The following ABCB11 variants were observed in gnomAD, a reference collection of about 807,000 sequenced individuals.
ABCB11 encodes the protein ATP binding cassette subfamily B member 11.
In ABCB11, 95 loss-of-function variants were observed where a neutral mutation model predicts 148.0. The ratio of observed to expected loss-of-function variants is 0.64; its 90% CI spans 0.54 to 0.76. The LOEUF (loss-of-function observed/expected upper bound fraction) is 0.76. ABCB11 is among the 30% of genes least tolerant of loss of function. ABCB11 has a pLI of 0.00. For synonymous variants in ABCB11, 591 were observed against 555.4 expected (o/e 1.06, Z -0.90); for missense variants, 1,523 against 1,617.8 (o/e 0.94, Z 1.01).
downstream of ABCB11, among the ~76,000 whole-genome samples, chr2:168,917,543 A>C (rs920987748): frequency 5.9e-5 from 9 of 152,234 alleles, no homozygotes; most frequent in Admixed American, 5.9e-4. Flanking sequence ...TGAATCAAAT[A>C]AAATGTATGA....
chr2:169,014,306 T>C lies in ABCB11; in HGVS notation c.147A>G (p.Gln49=), dbSNP rs759100946. 3 of 1,613,022 alleles carry C rather than the reference T, an allele frequency of 1.9e-6. No individual in the cohort carries two copies. The highest frequency in any genetic ancestry group is 2.7e-5 in the African/African-American group (2 of 74,874). Reference sequence around the variant, plus strand: ...TAAATCAACACAGTTTTATTACCAATTGAAAGAAGCCAACTCTAACGCCAT... The same window carrying C: ...TAAATCAACACAGTTTTATTACCAACTGAAAGAAGCCAACTCTAACGCCAT... The part of the protein sequence containing the change: ...KGDGVRVGFF[Q]LFRFSSSTDI... Residue 49 remains glutamine, a synonymous_variant, in exon 4 of 28, where the codon CAA becomes CAG. Transcript: ENST00000650372.
intron 5 of ABCB11, among the ~76,000 whole-genome samples, chr2:169,006,549 G>T (rs1201886161): frequency 4.1e-5 from 6 of 147,566 alleles, no homozygotes; most frequent in Non-Finnish European, 8.9e-5. Flanking sequence ...AAACAATTAG[G>T]CAATAAGATA....
At chr2:168,976,458 C>T in intron 12 of ABCB11, 119 bp downstream of exon 12, 1 of 564,604 alleles carries the variant, frequency 1.8e-6, no homozygotes, top group Non-Finnish European at 3.1e-6. Context: ...AGAAAGACAC[C>T]TCCATTCCCT....
At chr2:168,990,666 A>C (rs1573948083) in intron 9 of ABCB11, 135 bp downstream of exon 9, 1 of 1,068,012 alleles carries the variant, frequency 9.4e-7, no homozygotes, top group East Asian at 2.4e-5. Flanking sequence ...TACTCTGCTT[A>C]GCTCCCTCTT....
intron 22 of ABCB11, 150 bp downstream of exon 22, chr2:168,936,080 C>A: frequency 1.4e-6 from 1 of 709,140 alleles, no homozygotes. Flanking sequence ...TTGCGCCAAG[C>A]ACGCATAGAA....
At chr2:169,009,124 G>A (rs898948043) in intron 5 of ABCB11, among the ~76,000 whole-genome samples, 1 of 152,140 alleles carries the variant, frequency 6.6e-6, no homozygotes, top group African/African-American at 2.4e-5. Flanking sequence ...AGGAGGATGA[G>A]GTACTAGAAA....
chr2:168,996,141 C>T (rs1055983005), intron 6 of ABCB11, among the ~76,000 whole-genome samples: 2 of 151,892 alleles, frequency 1.3e-5, no homozygotes, highest in Non-Finnish European at 2.9e-5. Context: ...AAATATTTTT[C>T]TTTCTTAATA....
intron 25 of ABCB11, among the ~76,000 whole-genome samples, chr2:168,929,801 T>G (rs557370734): frequency 3.7e-4 from 57 of 152,286 alleles, no homozygotes; most frequent in African/African-American, 1.3e-3. Context: ...ATAACTATAT[T>G]GGGAGGAGGT....
chr2:168,971,775 G>A, intron 14 of ABCB11, 72 bp downstream of exon 14: 1 of 1,371,796 alleles, frequency 7.3e-7, no homozygotes, highest in Non-Finnish European at 1.0e-6. Context: ...GAGAAGAAAT[G>A]TGTATAATTG....
At chr2:169,002,982 TG>T (rs1694918890) in intron 5 of ABCB11, among the ~76,000 whole-genome samples, 1 of 152,158 alleles carries the variant, frequency 6.6e-6, no homozygotes, top group Admixed American at 6.5e-5. Context: ...AATAGGTTTT[TG>T]GGGAACAGGT....
At chr2:168,975,281 G>A (rs193004736) in intron 12 of ABCB11, among the ~76,000 whole-genome samples, 2,727 of 18,910 alleles carry the variant, frequency 0.14, 774 homozygotes, top group African/African-American at 0.47. Context: ...ATAAATATAT[G>A]AATATTTAAA....
At chr2:169,010,096 AC>A (rs1276484427) in intron 5 of ABCB11, among the ~76,000 whole-genome samples, 1 of 152,168 alleles carries the variant, frequency 6.6e-6, no homozygotes, top group East Asian at 1.9e-4. Context: ...GGCAATATTC[AC>A]ACTTGTTTAG....
chr2:168,945,408 C>A (rs1265940750), intron 19 of ABCB11, among the ~76,000 whole-genome samples: 2 of 151,914 alleles, frequency 1.3e-5, no homozygotes, highest in African/African-American at 4.8e-5. Context: ...TGAATGAAAA[C>A]CAATGGTGAT....
chr2:168,969,416 C>T lies in ABCB11; in HGVS notation c.1945G>A (p.Val649Ile). Residue 649 changes from valine to isoleucine, a missense_variant, in exon 16 of 28, where the codon GTT becomes ATT. Transcript: ENST00000650372. ...TGCAAAGTCACTAGAGTGAAGTAAA[C>T]ACCTTTCCTTTCCAGTAATTCTTCA... ...THEELLERKG[V>I]YFTLVTLQSQ... 6.2e-7 allele frequency: 1 copy of T among 1,612,598 alleles called. No homozygotes were observed. The highest frequency in any genetic ancestry group is 1.1e-5 in the South Asian group (1 of 91,002).
chr2:168,944,664 T>C lies in ABCB11; in HGVS notation c.2551A>G (p.Arg851Gly). 2 of 1,612,854 alleles carry C rather than the reference T, an allele frequency of 1.2e-6. No homozygotes were observed. The highest frequency in any genetic ancestry group is 1.7e-6 in the Non-Finnish European group (2 of 1,179,184). ...GQDIAWFDDL[R>G]NSPGALTTRL... ...GTTGTCAATGCTCCAGGGCTATTTCTGAGGTCATCAAACCAGGCAATATCT... is the reference window on the plus strand; with the variant it reads ...GTTGTCAATGCTCCAGGGCTATTTCCGAGGTCATCAAACCAGGCAATATCT... The change falls in exon 21 of 28, where the codon AGA becomes GGA. Residue 851 changes from arginine to glycine, a missense_variant. Coordinates refer to ENST00000650372, the MANE Select transcript of ABCB11 (RefSeq NM_003742.4).
Position 168,964,247 on chromosome 2 carries a change from C to A in ABCB11, c.2137G>T (p.Ala713Ser), listed in dbSNP as rs1294702136. 6.4e-7 allele frequency: 1 copy of A among 1,569,520 alleles called. No homozygotes were observed. The highest frequency in any genetic ancestry group is 1.9e-5 in the Admixed American group (1 of 53,796). ...TAGGTAGACTTATGATCTACAACAG[C>A]TAATGGAGGTTCGTGCACCAGGTAA... is the stretch of plus-strand genomic sequence containing the variant. ...LSYLVHEPPLAVVDHKSTYEE... is the reference protein window; with the variant it reads ...LSYLVHEPPLSVVDHKSTYEE... Residue 713 changes from alanine to serine, a missense_variant, in exon 18 of 28, where the codon GCT (alanine) becomes TCT (serine). Ala to Ser is a moderately conservative substitution (Grantham distance 99). Transcript: ENST00000650372.
Position 168,978,088 on chromosome 2 carries a change from G to T in ABCB11, c.1198-1401C>A, listed in dbSNP as rs1049993505. Among the ~76,000 whole-genome samples the T allele has an allele frequency of 2.7e-5, 4 of 146,706 alleles. No individual in the cohort carries two copies. In the South Asian group the frequency reaches 8.7e-4, roughly 32 times the overall value. ...CTTTTAGAGTCATCATCTTATTTGA[G>T]CATATAACAATCTTAAGAAAGAGGT... On this transcript the variant is annotated intron_variant, in intron 11 of 27. Coordinates refer to ENST00000650372, the MANE Select transcript of ABCB11 (RefSeq NM_003742.4).
At position 168,921,320 on chromosome 2, in the gene ABCB11, A is replaced by C. The variant is rs1329054686; in HGVS notation, c.*2302T>G. ...CTCCATATCCTAGTGTCCTGGCTTA[A>C]TTTATAGGCAGAATTTCGTTTGTTG... On this transcript the variant is annotated 3_prime_UTR_variant, in exon 28 of 28. Coordinates refer to ENST00000650372, the MANE Select transcript of ABCB11 (RefSeq NM_003742.4). Among the ~76,000 whole-genome samples the C allele has an allele frequency of 6.6e-6, 1 of 152,162 alleles. No individual in the cohort carries two copies. Among genetic ancestry groups the C allele is most frequent in the Non-Finnish European group, 1.5e-5 (1 of 68,030 alleles).
chr2:168,933,640 T>G (rs140051443), intron 23 of ABCB11, among the ~76,000 whole-genome samples: 6 of 152,346 alleles, frequency 3.9e-5, no homozygotes, highest in Admixed American at 2.0e-4. Flanking sequence ...GAGCCCAGTT[T>G]AAAGCCTAAG....
Sources: allele counts gnomAD v4.1 joint callset (sites outside exome capture counted in the v4.1 genomes callset), GRCh38; gene constraint gnomAD v4.1.1; transcripts MANE v1.5; gene names NCBI Gene and HGNC (gene_info 2026-07-23, HGNC 2026-07-21).